The following SLC24A3 variants were observed in gnomAD, a reference collection of about 807,000 sequenced individuals.
SLC24A3 encodes the protein sodium/potassium/calcium exchanger 3.
Under a neutral mutation model 75.8 loss-of-function variants are expected in SLC24A3, and 28 were observed. That is an observed-to-expected ratio of 0.37 (90% confidence interval 0.27 to 0.51). SLC24A3 has a LOEUF of 0.51. Among genes scored for constraint, SLC24A3 ranks in the 20% least tolerant of loss-of-function variants. SLC24A3 has a pLI of 0.94. For synonymous variants in SLC24A3, 372 were observed against 334.1 expected, an observed-to-expected ratio of 1.11 and a Z score of -1.24; for missense variants, 663 against 847.8, an observed-to-expected ratio of 0.78 and a Z score of 2.71.
rs1252511869 is a variant in SLC24A3, at chr20:19,212,840, A to G, written c.-3A>G. The G allele has an allele frequency of 6.7e-6, 7 of 1,044,984 alleles. No individual in the cohort carries two copies. The highest frequency in any genetic ancestry group is 8.8e-5 in the South Asian group (2 of 22,664). The allele number at this position is 1,044,984 out of a possible 1,614,324, so 64.7% of individuals were successfully genotyped here. On this transcript the variant is annotated 5_prime_UTR_variant, in exon 1 of 17. Coordinates refer to ENST00000328041, the MANE Select transcript of SLC24A3 (RefSeq NM_020689.4). Reference sequence around the variant, plus strand: ...GCCGAGGCCGCCGCCCGGCCGCCCGAGGATGCGGCCGTCCGGCGACGAGGA... The same window carrying G: ...GCCGAGGCCGCCGCCCGGCCGCCCGGGGATGCGGCCGTCCGGCGACGAGGA...
chr20:19,516,459 T>G (rs2029990690), intron 3 of SLC24A3, among the ~76,000 whole-genome samples: 1 of 152,230 alleles, frequency 6.6e-6, no homozygotes, highest in African/African-American at 2.4e-5. Flanking sequence ...CCATGTTGTT[T>G]TGTTCTTGGG....
At chr20:19,358,388 C>T (rs1402235432) in intron 2 of SLC24A3, among the ~76,000 whole-genome samples, 1 of 152,164 alleles carries the variant, frequency 6.6e-6, no homozygotes, top group Non-Finnish European at 1.5e-5. Flanking sequence ...ACTTTGGTCT[C>T]ATTTTGGGAA....
intron 2 of SLC24A3, among the ~76,000 whole-genome samples, chr20:19,483,405 G>A (rs1278305174): frequency 6.6e-6 from 1 of 152,222 alleles, no homozygotes; most frequent in East Asian, 1.9e-4. Flanking sequence ...GCCAGCCTAG[G>A]ACACTTGACA....
chr20:19,492,143 C>A (rs947976745), intron 2 of SLC24A3, among the ~76,000 whole-genome samples: 1 of 152,126 alleles, frequency 6.6e-6, no homozygotes, highest in African/African-American at 2.4e-5. Flanking sequence ...GGAAACTTTG[C>A]AAGTATTTCA....
chr20:19,667,910 A>T (rs2032418457), intron 8 of SLC24A3, among the ~76,000 whole-genome samples: 1 of 152,186 alleles, frequency 6.6e-6, no homozygotes. Context: ...TGGAAGGTAC[A>T]AGTCATCAGA....
At chr20:19,490,691 T>C (rs542488202) in intron 2 of SLC24A3, among the ~76,000 whole-genome samples, 54 of 152,310 alleles carry the variant, frequency 3.5e-4, no homozygotes, top group African/African-American at 1.2e-3. Flanking sequence ...AATTTGGTAG[T>C]TCCACACCTC....
chr20:19,296,987 G>A (rs1325549273), intron 2 of SLC24A3, among the ~76,000 whole-genome samples: 1 of 152,172 alleles, frequency 6.6e-6, no homozygotes, highest in African/African-American at 2.4e-5. Flanking sequence ...GGAGCCAGCT[G>A]TATTTTCTTC....
intron 9 of SLC24A3, among the ~76,000 whole-genome samples, chr20:19,679,517 G>GCGGAGAGGGAGACCGT (rs2032582359): frequency 6.8e-6 from 1 of 147,152 alleles, no homozygotes; most frequent in Non-Finnish European, 1.5e-5. Context: ...GGGAGACCGT[G>GCGGAGAGGGAGACCGT]GGGAGAGGGA....
intron 2 of SLC24A3, among the ~76,000 whole-genome samples, chr20:19,399,202 T>C (rs1349838401): frequency 6.6e-6 from 1 of 152,154 alleles, no homozygotes; most frequent in East Asian, 1.9e-4. Flanking sequence ...CAGCTTTTGG[T>C]TTCATTGATT....
chr20:19,583,229 G>A (rs750959616), intron 4 of SLC24A3, among the ~76,000 whole-genome samples: 2 of 152,188 alleles, frequency 1.3e-5, no homozygotes, highest in Non-Finnish European at 2.9e-5. Flanking sequence ...GACGCTGCGA[G>A]GGACAGAGTT....
rs772922140 is a variant in SLC24A3 at position 19,665,836 on chromosome 20, ATCT to A, written c.688-24_688-22del. 14 of 1,471,400 alleles carry A rather than the reference ATCT, an allele frequency of 9.5e-6. No individual in the cohort carries two copies. The African/African-American group carries it at 2.5e-4, about 26-fold the overall frequency. The allele number at this position is 1,471,400 out of a possible 1,614,324, so 91.1% of individuals were successfully genotyped here. A position where few individuals can be genotyped will look rare whatever the true frequency, so the allele number is the denominator to read the frequency against. On this transcript the variant is annotated intron_variant, in intron 7 of 16. Transcript: ENST00000328041. The stretch of plus-strand genomic sequence containing the variant: ...GTGTGTGTGTGTGTGTGTGTGTCTA[ATCT>A]TCTATTCTTTTTATTTTTTCACAGT...
intron 2 of SLC24A3, among the ~76,000 whole-genome samples, chr20:19,441,244 T>C (rs1265963408): frequency 2.0e-5 from 3 of 152,110 alleles, no homozygotes; most frequent in Non-Finnish European, 4.4e-5. Flanking sequence ...GGTTACGTTA[T>C]CTCATCTTCT....
At chr20:19,668,461 C>T (rs1001938141) in intron 8 of SLC24A3, among the ~76,000 whole-genome samples, 4 of 152,140 alleles carry the variant, frequency 2.6e-5, no homozygotes, top group Non-Finnish European at 5.9e-5. Flanking sequence ...CAGAGAGTTC[C>T]ATTCCTCATT....
chr20:19,653,516 C>T (rs1000656374), intron 6 of SLC24A3, among the ~76,000 whole-genome samples: 3 of 152,226 alleles, frequency 2.0e-5, no homozygotes, highest in African/African-American at 7.2e-5. Context: ...GCGGCAGCAG[C>T]CCAGCACATG....
chr20:19,411,989 CTG>C (rs1308289546), intron 2 of SLC24A3, among the ~76,000 whole-genome samples: 1 of 152,170 alleles, frequency 6.6e-6, no homozygotes, highest in Non-Finnish European at 1.5e-5. Flanking sequence ...TTGTTCTTCA[CTG>C]TATTTTTAAC....
intron 8 of SLC24A3, among the ~76,000 whole-genome samples, chr20:19,668,584 T>C (rs971257361): frequency 6.6e-6 from 1 of 152,184 alleles, no homozygotes; most frequent in Non-Finnish European, 1.5e-5. Context: ...TACAGTACTC[T>C]TTAAGAGGAA....
At chr20:19,254,650 G>A (rs1265981359) in intron 1 of SLC24A3, among the ~76,000 whole-genome samples, 1 of 152,240 alleles carries the variant, frequency 6.6e-6, no homozygotes, top group African/African-American at 2.4e-5. Flanking sequence ...TGCCTCTAGT[G>A]TGGGAAATCT....
chr20:19,281,607 C>A (rs1983666493), intron 2 of SLC24A3, among the ~76,000 whole-genome samples: 1 of 152,044 alleles, frequency 6.6e-6, no homozygotes, highest in Non-Finnish European at 1.5e-5. Context: ...ATGGAACATT[C>A]TATCTCTAAT....
intron 2 of SLC24A3, among the ~76,000 whole-genome samples, chr20:19,299,198 A>ATGTGTGTGTGTATGTGTGTGTGTGTG (rs1984138100): frequency 6.9e-6 from 1 of 144,912 alleles, no homozygotes; most frequent in South Asian, 2.2e-4. Flanking sequence ...GTGTGTGTGT[A>ATGTGTGTGTGTATGTGTGTGTGTGTG]TGTGTGTGTG....
Sources: allele counts gnomAD v4.1 joint callset (sites outside exome capture counted in the v4.1 genomes callset), GRCh38; gene constraint gnomAD v4.1.1; transcripts MANE v1.5; gene names NCBI Gene and HGNC (gene_info 2026-07-23, HGNC 2026-07-21).